Variants in PLCB1 observed in about 807,000 individuals in gnomAD.
PLCB1 encodes phospholipase C beta 1.
PLCB1 carries 46 observed loss-of-function variants against 161.8 expected under a neutral mutation model. The ratio of observed to expected loss-of-function variants is 0.28; its 90% CI spans 0.22 to 0.36. The LOEUF is 0.36. Among genes scored for constraint, PLCB1 ranks in the 10% least tolerant of loss-of-function variants. The pLI is 1.00. For missense variants in PLCB1, 1,016 were observed against 1,472.5 expected (o/e 0.69, Z 5.07); for synonymous variants, 517 against 503.7 (o/e 1.03, Z -0.35).
chr20:8,656,863 G>A lies in PLCB1; in HGVS notation c.595-321G>A, dbSNP rs188975019. Among the ~76,000 whole-genome samples the A allele has an allele frequency of 2.0e-3, 303 of 150,776 alleles. 2 individuals are homozygous for A. The highest frequency in any genetic ancestry group is 7.1e-3 in the African/African-American group (294 of 41,230). Reference sequence around the variant, plus strand: ...CTAGATCTAACTTGCTTTAGAAAATGTATATAGGAAATTGCATTAACATCC... The same window carrying A: ...CTAGATCTAACTTGCTTTAGAAAATATATATAGGAAATTGCATTAACATCC... On this transcript the variant is annotated intron_variant, in intron 7 of 31. Coordinates refer to ENST00000338037, the MANE Select transcript of PLCB1 (RefSeq NM_015192.4).
At chr20:8,284,581 A>G (rs1399613596) in intron 2 of PLCB1, among the ~76,000 whole-genome samples, 1 of 152,160 alleles carries the variant, frequency 6.6e-6, no homozygotes, top group East Asian at 1.9e-4. Flanking sequence ...CTGCAAAAAG[A>G]AAAGAAAAGA....
At chr20:8,264,368 C>A (rs1009360087) in intron 2 of PLCB1, among the ~76,000 whole-genome samples, 5 of 152,028 alleles carry the variant, frequency 3.3e-5, no homozygotes, top group Non-Finnish European at 5.9e-5. Context: ...GACTGTTTTA[C>A]AGTTAATTTT....
intron 3 of PLCB1, among the ~76,000 whole-genome samples, chr20:8,471,336 T>A (rs1394676671): frequency 6.6e-6 from 1 of 152,166 alleles, no homozygotes; most frequent in East Asian, 1.9e-4. Context: ...AACCCTTTAC[T>A]TTCCCTAATC....
chr20:8,241,157 C>G (rs912156243), intron 2 of PLCB1, among the ~76,000 whole-genome samples: 1 of 151,888 alleles, frequency 6.6e-6, no homozygotes, highest in Non-Finnish European at 1.5e-5. Context: ...TTTATTTCTT[C>G]CCTTGATGTA....
chr20:8,788,739 C>G lies in PLCB1; in HGVS notation c.3278+17C>G. On this transcript the variant is annotated intron_variant, in intron 29 of 31. Coordinates refer to ENST00000338037, the MANE Select transcript of PLCB1 (RefSeq NM_015192.4). ...GATGGAAGAGTAAGTCAAAAGTGTC[C>G]CCTCTCCCAAACAGTTCATCTGGGA... The G allele has an allele frequency of 6.6e-7, 1 of 1,504,212 alleles. No homozygotes were observed. The highest frequency in any genetic ancestry group is 1.4e-5 in the African/African-American group (1 of 72,474). 93.2% of individuals were successfully genotyped at this position (1,504,212 alleles called of 1,614,324 possible). A position where few individuals can be genotyped will look rare whatever the true frequency, so the allele number is the denominator to read the frequency against.
intron 2 of PLCB1, among the ~76,000 whole-genome samples, chr20:8,255,564 G>A (rs969369218): frequency 1.1e-4 from 17 of 151,954 alleles, no homozygotes; most frequent in African/African-American, 3.1e-4. Context: ...AGTTCATAGA[G>A]GGTCTAAGAT....
At chr20:8,344,461 A>C (rs1389957913) in intron 2 of PLCB1, among the ~76,000 whole-genome samples, 3 of 152,326 alleles carry the variant, frequency 2.0e-5, no homozygotes, top group Non-Finnish European at 4.4e-5. Flanking sequence ...TCTCTATTGC[A>C]TGGTGCACTG....
intron 2 of PLCB1, among the ~76,000 whole-genome samples, chr20:8,299,145 A>G (rs1448859431): frequency 1.3e-5 from 2 of 152,154 alleles, no homozygotes; most frequent in Middle Eastern, 3.2e-3. Flanking sequence ...CCCATGCTGC[A>G]TCACACACCA....
In PLCB1 at chr20:8,280,314, A is replaced by G. The variant is rs577670134; in HGVS notation, c.178-91068A>G. Among the ~76,000 whole-genome samples, 10 of 151,876 alleles carry G rather than the reference A, an allele frequency of 6.6e-5. No individual in the cohort carries two copies. In the South Asian group the frequency reaches 1.9e-3, roughly 29 times the overall value. On this transcript the variant is annotated intron_variant, in intron 2 of 31. Transcript: ENST00000338037. ...CACACAATTGCACTCCAACCTGGGC[A>G]ACAAGAGCGAAACTCTGTCTCAAAA...
intron 31 of PLCB1, 117 bp downstream of exon 31, chr20:8,790,378 A>G: frequency 1.5e-6 from 1 of 664,784 alleles, no homozygotes; most frequent in East Asian, 2.9e-5. Context: ...GTTCTTGCAT[A>G]TGAAACTCAT....
intron 3 of PLCB1, among the ~76,000 whole-genome samples, chr20:8,525,553 C>T (rs1984552919): frequency 6.6e-6 from 1 of 152,110 alleles, no homozygotes; most frequent in African/African-American, 2.4e-5. Flanking sequence ...CCGTGTTGTG[C>T]CTTTGGGCAC....
chr20:8,571,570 G>A (rs1178990410), intron 3 of PLCB1, among the ~76,000 whole-genome samples: 1 of 152,190 alleles, frequency 6.6e-6, no homozygotes, highest in African/African-American at 2.4e-5. Context: ...ATTCAGGCCT[G>A]TACTTGTCTA....
chr20:8,548,783 C>A (rs1161675324), intron 3 of PLCB1, among the ~76,000 whole-genome samples: 1 of 151,944 alleles, frequency 6.6e-6, no homozygotes, highest in Non-Finnish European at 1.5e-5. Context: ...TGTTCTCAAG[C>A]CTAACTTTGT....
chr20:8,638,946 T>C (rs1295008005), intron 4 of PLCB1, among the ~76,000 whole-genome samples: 1 of 151,860 alleles, frequency 6.6e-6, no homozygotes, highest in Non-Finnish European at 1.5e-5. Flanking sequence ...TAAGGATTTT[T>C]AATTTGTGTT....
chr20:8,341,509 GT>G (rs1403325551), intron 2 of PLCB1, among the ~76,000 whole-genome samples: 16 of 152,126 alleles, frequency 1.1e-4, no homozygotes, highest in Non-Finnish European at 4.4e-5. Flanking sequence ...CGGATTTGCT[GT>G]TTTTTCTTCC....
chr20:8,682,776 C>A (rs6118291), intron 9 of PLCB1, among the ~76,000 whole-genome samples: 12,894 of 152,154 alleles, frequency 0.085, 714 homozygotes, highest in Admixed American at 0.13. Context: ...CTTTTATATA[C>A]CATTGGTGAA....
At chr20:8,257,994 T>C (rs1448627765) in intron 2 of PLCB1, among the ~76,000 whole-genome samples, 1 of 152,186 alleles carries the variant, frequency 6.6e-6, no homozygotes, top group Non-Finnish European at 1.5e-5. Flanking sequence ...TTCTAATATA[T>C]AATTTTGTGA....
At chr20:8,320,184 T>C (rs1984848018) in intron 2 of PLCB1, among the ~76,000 whole-genome samples, 1 of 152,110 alleles carries the variant, frequency 6.6e-6, no homozygotes, top group East Asian at 1.9e-4. Flanking sequence ...TATGTTGTTA[T>C]TGTGTTGTTG....
intron 2 of PLCB1, among the ~76,000 whole-genome samples, chr20:8,346,028 G>C (rs904013919): frequency 6.6e-6 from 1 of 152,148 alleles, no homozygotes; most frequent in Non-Finnish European, 1.5e-5. Flanking sequence ...TGTGTTTTAC[G>C]TTAGGTCTTG....
Sources: gnomAD v4.1 joint callset for allele counts (sites outside exome capture counted in the v4.1 genomes callset) on GRCh38, gnomAD v4.1.1 for gene constraint, MANE v1.5 for transcripts, NCBI Gene and HGNC (gene_info 2026-07-23, HGNC 2026-07-21) for gene names.